The following SPATA13 variants were observed in gnomAD, a reference collection of about 807,000 sequenced individuals.
SPATA13 encodes spermatogenesis associated 13.
In SPATA13, 50 loss-of-function variants were observed where a neutral mutation model predicts 104.0. The observed-to-expected ratio is 0.48, with a 90% CI of 0.38 to 0.61. SPATA13 has a LOEUF of 0.61. Among genes scored for constraint, SPATA13 ranks in the 20% least tolerant of loss-of-function variants. The pLI is 0.00. For synonymous variants in SPATA13, 606 were observed against 667.5 expected, an observed-to-expected ratio of 0.91 and a Z score of 1.42; for missense variants, 1,524 against 1,690.6, an observed-to-expected ratio of 0.90 and a Z score of 1.73.
intron 3 of SPATA13, among the ~76,000 whole-genome samples, chr13:24,110,810 C>G (rs1360804422): frequency 6.6e-6 from 1 of 152,218 alleles, no homozygotes; most frequent in Admixed American, 6.5e-5. Context: ...CACCCAATAA[C>G]CAACTTGAGA....
chr13:24,005,050 A>G (rs1333872450), intron 2 of SPATA13, among the ~76,000 whole-genome samples: 1 of 152,204 alleles, frequency 6.6e-6, no homozygotes, highest in Non-Finnish European at 1.5e-5. Context: ...TATCTTTGCC[A>G]CATTGCTTTC....
intron 3 of SPATA13, among the ~76,000 whole-genome samples, chr13:24,064,385 A>G (rs955526891): frequency 2.0e-5 from 3 of 152,158 alleles, no homozygotes; most frequent in Admixed American, 2.0e-4. Context: ...GCTGCAATGG[A>G]CTAAATGTTT....
chr13:24,009,991 C>T (rs1876398131), intron 2 of SPATA13, among the ~76,000 whole-genome samples: 1 of 152,120 alleles, frequency 6.6e-6, no homozygotes, highest in South Asian at 2.1e-4. Flanking sequence ...AACATGTGCA[C>T]AAGGCAGTTA....
chr13:24,161,425 A>G lies in SPATA13; in HGVS notation c.-112+493A>G, dbSNP rs569271996. On this transcript the variant is annotated intron_variant, in intron 1 of 12. Coordinates refer to ENST00000382108, the MANE Select transcript of SPATA13 (RefSeq NM_001166271.3). The surrounding 1 kb of genome is among the most constrained non-coding windows in gnomAD (Gnocchi z 4.5). ...GTTGGAGAGCTTAGTTTAGAAAGCAAGTTTCTCTTGGTACCAGCGGAGTCT... is the reference window on the plus strand; with the variant it reads ...GTTGGAGAGCTTAGTTTAGAAAGCAGGTTTCTCTTGGTACCAGCGGAGTCT... Among the ~76,000 whole-genome samples the G allele has an allele frequency of 6.6e-6, 1 of 152,266 alleles. No homozygotes were observed. The highest frequency in any genetic ancestry group is 1.5e-5 in the Non-Finnish European group (1 of 68,028).
chr13:24,246,078 G>C (rs570708639), intron 2 of SPATA13, among the ~76,000 whole-genome samples: 11 of 152,254 alleles, frequency 7.2e-5, no homozygotes, highest in South Asian at 6.2e-4. Context: ...TGCGTGTCAC[G>C]TAAGTGTAAA....
intron 2 of SPATA13, among the ~76,000 whole-genome samples, chr13:24,001,552 C>A (rs923839790): frequency 6.6e-6 from 1 of 151,822 alleles, no homozygotes; most frequent in Non-Finnish European, 1.5e-5. Context: ...GCTGCCGTGT[C>A]TGTTAGGGTC....
intron 4 of SPATA13, among the ~76,000 whole-genome samples, chr13:24,272,191 T>A (rs1476937708): frequency 2.0e-5 from 3 of 151,750 alleles, no homozygotes; most frequent in Non-Finnish European, 4.4e-5. Flanking sequence ...GGGGGGCAGG[T>A]GGCCCCTGGC....
At chr13:24,151,723 G>A (rs1188792522) in intron 3 of SPATA13, among the ~76,000 whole-genome samples, 2 of 151,968 alleles carry the variant, frequency 1.3e-5, no homozygotes. Context: ...TCTGTAAAAT[G>A]GTAATATTAG....
intron 3 of SPATA13, among the ~76,000 whole-genome samples, chr13:24,113,884 A>G (rs1449417193): frequency 6.6e-6 from 1 of 151,660 alleles, no homozygotes; most frequent in Non-Finnish European, 1.5e-5. Flanking sequence ...AAAAAAAAAA[A>G]AAAAAAGAAA....
At chr13:24,266,102 T>C (rs1236979255) in intron 4 of SPATA13, among the ~76,000 whole-genome samples, 1 of 152,156 alleles carries the variant, frequency 6.6e-6, no homozygotes, top group Non-Finnish European at 1.5e-5. Flanking sequence ...AAGTGCTGAC[T>C]ACTGTTGTGA....
chr13:24,021,538 C>G (rs1876971397), intron 3 of SPATA13, among the ~76,000 whole-genome samples: 2 of 152,112 alleles, frequency 1.3e-5, no homozygotes, highest in Admixed American at 1.3e-4. Context: ...GGCTGAAAAG[C>G]TAGGTTGGGC....
chr13:24,106,735 C>T (rs565964057), intron 3 of SPATA13, among the ~76,000 whole-genome samples: 1 of 152,174 alleles, frequency 6.6e-6, no homozygotes, highest in African/African-American at 2.4e-5. Flanking sequence ...GCCATGTGCA[C>T]TTTACAGAGG....
chr13:24,032,503 G>T (rs1877519359), intron 3 of SPATA13, among the ~76,000 whole-genome samples: 1 of 152,180 alleles, frequency 6.6e-6, no homozygotes, highest in African/African-American at 2.4e-5. Context: ...CTCTGCCAGA[G>T]ATTTCATAAG....
intron 1 of SPATA13, among the ~76,000 whole-genome samples, chr13:24,220,304 C>T (rs1352241610): frequency 1.3e-5 from 2 of 152,082 alleles, no homozygotes; most frequent in African/African-American, 4.8e-5. Flanking sequence ...CTTATAGTGC[C>T]CTCTGGTGGT....
intron 2 of SPATA13, among the ~76,000 whole-genome samples, chr13:24,006,206 G>T (rs1480590900): frequency 6.6e-6 from 1 of 152,210 alleles, no homozygotes; most frequent in African/African-American, 2.4e-5. Context: ...AAGTCTAAAT[G>T]TCAGTGTTCA....
intron 7 of SPATA13, 108 bp downstream of exon 7, chr13:24,287,058 T>G: frequency 1.2e-6 from 1 of 857,014 alleles, no homozygotes; most frequent in Non-Finnish European, 1.7e-6. Context: ...GGCTCCCACA[T>G]GTATGCTCAT....
intron 3 of SPATA13, among the ~76,000 whole-genome samples, chr13:24,065,084 A>G (rs959057909): frequency 6.6e-6 from 1 of 152,184 alleles, no homozygotes; most frequent in African/African-American, 2.4e-5. Context: ...TATAGTCTCA[A>G]TGTCAGAAAC....
In SPATA13 at chr13:24,249,619, G is replaced by A. The variant is rs371511214; in HGVS notation, c.1796G>A (p.Arg599His). 135 of 1,613,790 alleles carry A rather than the reference G, an allele frequency of 8.4e-5. No homozygotes were observed. In the African/African-American group the frequency reaches 1.5e-3, roughly 18 times the overall value. The change falls in exon 3 of 13, where the codon CGC becomes CAC. Residue 599 changes from arginine to histidine, a missense_variant. Physicochemically the swap from Arg to His is conservative, Grantham distance 29. Around this residue, in one of 2 missense-constraint regions of SPATA13, gnomAD observed 1,089 missense variants for 1,135.9 expected, o/e 0.96. Coordinates refer to ENST00000382108, the MANE Select transcript of SPATA13 (RefSeq NM_001166271.3). Reference sequence around the variant, plus strand: ...TCTGACTACGGCCAGCTGGCCAGCCGCAGTTTGTCTATTCCTGAAGACTCG... The same window carrying A: ...TCTGACTACGGCCAGCTGGCCAGCCACAGTTTGTCTATTCCTGAAGACTCG... ...PFSDYGQLASRSLSIPEDSVA... is the reference protein window; with the variant it reads ...PFSDYGQLASHSLSIPEDSVA...
At chr13:24,120,634 C>T (rs766168045) in intron 3 of SPATA13, among the ~76,000 whole-genome samples, 8 of 152,166 alleles carry the variant, frequency 5.3e-5, no homozygotes, top group Admixed American at 6.5e-5. Flanking sequence ...TATCCAGTTC[C>T]TGGGTTCCAT....
Sources: allele counts gnomAD v4.1 joint callset (sites outside exome capture counted in the v4.1 genomes callset), GRCh38; gene constraint gnomAD v4.1.1; regional missense constraint gnomAD v4.1.1; non-coding constraint Gnocchi (gnomAD v3.1); transcripts MANE v1.5; gene names NCBI Gene and HGNC (gene_info 2026-07-23, HGNC 2026-07-21).